PSME4: variants seen among roughly 807,000 people sequenced by gnomAD.
PSME4 encodes proteasome activator complex subunit 4.
PSME4 carries 89 observed loss-of-function variants against 253.9 expected under a neutral mutation model. The ratio of observed to expected loss-of-function variants is 0.35; its 90% CI spans 0.30 to 0.42. The LOEUF is 0.42. PSME4 is among the 10% of genes least tolerant of loss of function. The pLI is 1.00. For missense variants in PSME4, 2,014 were observed against 2,195.2 expected, an observed-to-expected ratio of 0.92 and a Z score of 1.65; for synonymous variants, 851 against 759.2, an observed-to-expected ratio of 1.12 and a Z score of -1.99.
chr2:53,942,676 T>A (rs868102193), intron 3 of PSME4, among the ~76,000 whole-genome samples: 3 of 152,202 alleles, frequency 2.0e-5, no homozygotes, highest in African/African-American at 4.8e-5. Context: ...GAATTAAGGA[T>A]AATAAATGTT....
At chr2:53,936,925 T>C (rs1321659392) in intron 5 of PSME4, 98 bp from the exon 6 acceptor site, 1 of 741,180 alleles carries the variant, frequency 1.3e-6, no homozygotes, top group Non-Finnish European at 2.2e-6. Flanking sequence ...TTCTTACTGA[T>C]AACTACGTTA....
At chr2:53,931,688 A>G (rs1048241955) in intron 10 of PSME4, 147 bp downstream of exon 10, 29 of 815,254 alleles carry the variant, frequency 3.6e-5, no homozygotes, top group Non-Finnish European at 5.2e-5. Flanking sequence ...GTTACCAATC[A>G]TTACATTAAA....
intron 1 of PSME4, 119 bp downstream of exon 1, chr2:53,970,424 G>T: frequency 1.4e-6 from 2 of 1,478,170 alleles, no homozygotes; most frequent in Non-Finnish European, 1.8e-6. Flanking sequence ...CACCGCTCGG[G>T]GACAGCTCCA....
chr2:53,895,473 G>T, intron 33 of PSME4, 110 bp downstream of exon 33: 1 of 1,077,616 alleles, frequency 9.3e-7, no homozygotes, highest in East Asian at 2.4e-5. Flanking sequence ...CTAGGGAAGG[G>T]GAAAGATAAA....
intron 44 of PSME4, 138 bp from the exon 45 acceptor site, chr2:53,867,018 ACAT>A (rs1247592579): frequency 5.1e-6 from 4 of 786,370 alleles, no homozygotes; most frequent in Non-Finnish European, 7.9e-6. Flanking sequence ...ACATGTAAAC[ACAT>A]CAAATACTTG....
intron 1 of PSME4, among the ~76,000 whole-genome samples, chr2:53,963,239 T>G (rs1558433366): frequency 1.3e-5 from 2 of 151,722 alleles, no homozygotes; most frequent in Non-Finnish European, 2.9e-5. Context: ...GATGGGAGGA[T>G]CGCTCGAGGC....
At chr2:53,897,754 T>C in intron 31 of PSME4, 116 bp downstream of exon 31, 1 of 1,189,682 alleles carries the variant, frequency 8.4e-7, no homozygotes, top group Non-Finnish European at 1.2e-6. Context: ...AGATTTCAAA[T>C]CAATACACTT....
chr2:53,915,769 T>TA (rs1314278490), intron 20 of PSME4, among the ~76,000 whole-genome samples: 1 of 151,754 alleles, frequency 6.6e-6, no homozygotes, highest in East Asian at 1.9e-4. Flanking sequence ...TTTAAATGTT[T>TA]AAAAAAAAGA....
chr2:53,920,328 A>C lies in PSME4; in HGVS notation c.2285T>G (p.Leu762Trp). 1 of 1,613,384 alleles carries C rather than the reference A, an allele frequency of 6.2e-7. No homozygotes were observed. Among genetic ancestry groups the C allele is most frequent in the Non-Finnish European group, 8.5e-7 (1 of 1,179,582 alleles). ...PIKDWGKPGD[L>W]WNLGIQWHVP... The stretch of plus-strand genomic sequence containing the variant: ...ATGCCACTGGATTCCCAGATTCCAC[A>C]AGTCCCCGGGTTTGCCCCAGTCCTA... Residue 762 changes from leucine to tryptophan, a missense_variant, in exon 19 of 47, where the codon TTG becomes TGG. Coordinates refer to ENST00000404125, the MANE Select transcript of PSME4 (RefSeq NM_014614.3).
intron 1 of PSME4, among the ~76,000 whole-genome samples, chr2:53,949,566 G>C (rs576566806): frequency 6.6e-6 from 1 of 152,034 alleles, no homozygotes; most frequent in South Asian, 2.1e-4. Flanking sequence ...CCAGTGATGA[G>C]GATGATTCAG....
intron 37 of PSME4, among the ~76,000 whole-genome samples, chr2:53,889,373 C>A (rs1471094019): frequency 6.6e-6 from 1 of 151,804 alleles, no homozygotes; most frequent in Non-Finnish European, 1.5e-5. Flanking sequence ...ATACCTAATA[C>A]AATGTAAATG....
At chr2:53,962,362 T>C (rs1356093176) in intron 1 of PSME4, among the ~76,000 whole-genome samples, 1 of 123,090 alleles carries the variant, frequency 8.1e-6, no homozygotes, top group Non-Finnish European at 1.6e-5. Context: ...AAACAGTTCT[T>C]AGAAGTTATA....
intron 20 of PSME4, among the ~76,000 whole-genome samples, 159 bp downstream of exon 20, chr2:53,918,992 A>C (rs1488577872): frequency 6.6e-6 from 1 of 152,204 alleles, no homozygotes; most frequent in Non-Finnish European, 1.5e-5. Context: ...CAGGTTTATA[A>C]ATCTAAATTG....
chr2:53,923,642 G>C (rs1352889722), intron 14 of PSME4, among the ~76,000 whole-genome samples: 1 of 152,116 alleles, frequency 6.6e-6, no homozygotes, highest in Non-Finnish European at 1.5e-5. Flanking sequence ...TTAGGTACTG[G>C]CTGGATGTGG....
intron 1 of PSME4, among the ~76,000 whole-genome samples, chr2:53,966,400 G>A (rs1287667275): frequency 6.6e-6 from 1 of 152,128 alleles, no homozygotes; most frequent in Non-Finnish European, 1.5e-5. Context: ...GGTGGCTCAC[G>A]CCCATAATCC....
chr2:53,885,676 C>T lies in PSME4; in HGVS notation c.4815+14G>A. On this transcript the variant is annotated intron_variant, in intron 41 of 46. Transcript: ENST00000404125. ...TCAAAAGGAGATGCATTCTTAATTT[C>T]AGCAAAACCTTACCTTGAAAAACAA... 6.3e-7 allele frequency: 1 copy of T among 1,589,550 alleles called. No homozygotes were observed.
intron 34 of PSME4, among the ~76,000 whole-genome samples, chr2:53,894,091 A>ATTGC (rs1457163644): frequency 6.6e-6 from 1 of 152,172 alleles, no homozygotes; most frequent in East Asian, 1.9e-4. Flanking sequence ...AAGCCACTGT[A>ATTGC]ACACCTGGTG....
chr2:53,939,884 T>C lies in PSME4; in HGVS notation c.545+72A>G, dbSNP rs186055118. Reference sequence around the variant, plus strand: ...ACTATTTATACTTTTCATTTCCTTTTCAAACCATACTAAAGATGTGGAAAA... The same window carrying C: ...ACTATTTATACTTTTCATTTCCTTTCCAAACCATACTAAAGATGTGGAAAA... On this transcript the variant is annotated intron_variant, in intron 4 of 46. Coordinates refer to ENST00000404125, the MANE Select transcript of PSME4 (RefSeq NM_014614.3). The C allele has an allele frequency of 1.5e-3, 1,986 of 1,343,426 alleles. 2 individuals carry two copies. Among genetic ancestry groups the C allele is most frequent in the Non-Finnish European group, 1.8e-3 (1,714 of 959,458 alleles). 83.2% of individuals were successfully genotyped at this position (1,343,426 alleles called of 1,614,324 possible).
intron 1 of PSME4, among the ~76,000 whole-genome samples, chr2:53,970,016 A>G (rs1187566537): frequency 6.6e-6 from 1 of 152,150 alleles, no homozygotes. Flanking sequence ...GGGCCCCCAA[A>G]AAGCAAAACC....
Sources: gnomAD v4.1 joint callset for allele counts (sites outside exome capture counted in the v4.1 genomes callset) on GRCh38, gnomAD v4.1.1 for gene constraint, MANE v1.5 for transcripts, NCBI Gene and HGNC (gene_info 2026-07-23, HGNC 2026-07-21) for gene names.